FBXL7: variants seen among roughly 807,000 people sequenced by gnomAD.
FBXL7 encodes F-box/LRR-repeat protein 7.
In FBXL7, 12 loss-of-function variants were observed where a neutral mutation model predicts 38.3. The observed-to-expected ratio is 0.31, with a 90% CI of 0.20 to 0.51. The LOEUF (loss-of-function observed/expected upper bound fraction) is 0.51, where lower values mean the gene tolerates loss of function less well. Among genes scored for constraint, FBXL7 ranks in the 20% least tolerant of loss-of-function variants. FBXL7 has a pLI of 0.98. For synonymous variants in FBXL7, 297 were observed against 300.9 expected, an observed-to-expected ratio of 0.99 and a Z score of 0.13; for missense variants, 567 against 676.4, an observed-to-expected ratio of 0.84 and a Z score of 1.79.
chr5:15,677,135 T>C (rs777190571), intron 2 of FBXL7, among the ~76,000 whole-genome samples: 7 of 152,168 alleles, frequency 4.6e-5, no homozygotes, highest in Non-Finnish European at 8.8e-5. Flanking sequence ...GCTGTTCTTT[T>C]TGGGGTAGAG....
intron 2 of FBXL7, among the ~76,000 whole-genome samples, chr5:15,708,366 A>G (rs917645040): frequency 7.9e-5 from 12 of 152,152 alleles, no homozygotes; most frequent in Non-Finnish European, 1.5e-4. Flanking sequence ...CTTTCTGCCT[A>G]TATGTCTTAG....
chr5:15,521,253 C>T (rs918594480), intron 1 of FBXL7, among the ~76,000 whole-genome samples: 7 of 152,204 alleles, frequency 4.6e-5, no homozygotes, highest in African/African-American at 1.2e-4. Flanking sequence ...ACATAACAAA[C>T]ACTGCTTATT....
In FBXL7 at chr5:15,500,536, C is replaced by T. The variant is rs1580339175; in HGVS notation, c.-141C>T. The stretch of plus-strand genomic sequence containing the variant: ...TCCCACTGGAGTGCGGGGACCTCTC[C>T]AGGCCGGAGGTCGGCCCCGGAGCTT... On this transcript the variant is annotated 5_prime_UTR_variant, in exon 1 of 4. Coordinates refer to ENST00000504595, the MANE Select transcript of FBXL7 (RefSeq NM_012304.5). 1 of 1,187,614 alleles carries T rather than the reference C, an allele frequency of 8.4e-7. No individual in the cohort carries two copies. 73.6% of individuals were successfully genotyped at this position (1,187,614 alleles called of 1,614,324 possible).
chr5:15,714,872 G>T (rs1743991540), intron 2 of FBXL7, among the ~76,000 whole-genome samples: 1 of 138,810 alleles, frequency 7.2e-6, no homozygotes, highest in Admixed American at 7.3e-5. Context: ...AAAAAAAAGA[G>T]GCAGGAGTGT....
At chr5:15,932,996 G>A (rs1742081289) in intron 3 of FBXL7, among the ~76,000 whole-genome samples, 1 of 151,946 alleles carries the variant, frequency 6.6e-6, no homozygotes, top group African/African-American at 2.4e-5. Context: ...GGTTGTACAA[G>A]TCATATAATC....
At chr5:15,505,419 A>G (rs906829837) in intron 1 of FBXL7, among the ~76,000 whole-genome samples, 1 of 152,136 alleles carries the variant, frequency 6.6e-6, no homozygotes. Context: ...ACTTAAATAT[A>G]TGTTAACTTT....
intron 1 of FBXL7, among the ~76,000 whole-genome samples, chr5:15,529,454 C>T (rs1050568234): frequency 6.6e-5 from 10 of 151,802 alleles, no homozygotes; most frequent in Admixed American, 3.9e-4. Flanking sequence ...GGCGCGATCT[C>T]GGCTCACTGC....
intron 2 of FBXL7, among the ~76,000 whole-genome samples, chr5:15,868,452 T>C (rs1739812791): frequency 6.6e-6 from 1 of 152,178 alleles, no homozygotes; most frequent in Admixed American, 6.5e-5. Flanking sequence ...GAAACTAAGA[T>C]ACCTTCTCCG....
At chr5:15,823,289 C>A (rs1047640889) in intron 2 of FBXL7, among the ~76,000 whole-genome samples, 7 of 152,186 alleles carry the variant, frequency 4.6e-5, no homozygotes, top group Non-Finnish European at 8.8e-5. Flanking sequence ...TTAGCAAATT[C>A]TTTAATCATT....
At chr5:15,835,922 C>T (rs1205695695) in intron 2 of FBXL7, among the ~76,000 whole-genome samples, 1 of 152,116 alleles carries the variant, frequency 6.6e-6, no homozygotes, top group Non-Finnish European at 1.5e-5. Context: ...CTGCAGGAAG[C>T]TAAAGAACTC....
At position 15,647,986 on chromosome 5, in the gene FBXL7, G is replaced by A. The variant is rs372561017; in HGVS notation, c.127+31914G>A. Among the ~76,000 whole-genome samples the A allele has an allele frequency of 2.2e-4, 33 of 152,346 alleles. No homozygotes were observed. In the East Asian group the frequency reaches 5.4e-3, roughly 25 times the overall value. ...AGTAGGTGCCAGTAGGCACTGGAAT[G>A]CTCCAGGAGAATGCCCGTGTCTAAT... is the stretch of plus-strand genomic sequence containing the variant. On this transcript the variant is annotated intron_variant, in intron 2 of 3. Transcript: ENST00000504595.
intron 2 of FBXL7, among the ~76,000 whole-genome samples, chr5:15,800,508 G>C (rs1737535261): frequency 1.3e-5 from 2 of 152,218 alleles, no homozygotes. Context: ...TTGAGTGGGA[G>C]GAAAATGGTC....
chr5:15,604,075 G>C (rs1220157524), intron 1 of FBXL7, among the ~76,000 whole-genome samples: 1 of 152,148 alleles, frequency 6.6e-6, no homozygotes, highest in African/African-American at 2.4e-5. Flanking sequence ...GGCAGAGGTT[G>C]CAGTAAGCTG....
At chr5:15,726,471 G>T (rs936299669) in intron 2 of FBXL7, among the ~76,000 whole-genome samples, 1 of 152,004 alleles carries the variant, frequency 6.6e-6, no homozygotes, top group Non-Finnish European at 1.5e-5. Flanking sequence ...GCGGCAGGCA[G>T]ATCACGAGAT....
intron 2 of FBXL7, among the ~76,000 whole-genome samples, chr5:15,779,638 A>G (rs1736942831): frequency 6.6e-6 from 1 of 152,148 alleles, no homozygotes; most frequent in South Asian, 2.1e-4. Context: ...GCCGTGGCCC[A>G]TTAAAAAACC....
intron 2 of FBXL7, among the ~76,000 whole-genome samples, chr5:15,815,625 C>T (rs571312741): frequency 3.3e-5 from 5 of 152,260 alleles, no homozygotes; most frequent in Admixed American, 2.0e-4. Flanking sequence ...TAGGACAGGA[C>T]AATTTTGTGA....
intron 2 of FBXL7, among the ~76,000 whole-genome samples, chr5:15,634,971 A>G (rs1741134046): frequency 6.6e-6 from 1 of 152,168 alleles, no homozygotes; most frequent in African/African-American, 2.4e-5. Context: ...TCACATCTGC[A>G]AGTTCCCTTA....
At chr5:15,832,346 C>G (rs1487208898) in intron 2 of FBXL7, among the ~76,000 whole-genome samples, 1 of 152,126 alleles carries the variant, frequency 6.6e-6, no homozygotes, top group African/African-American at 2.4e-5. Flanking sequence ...CTTGTTTTTA[C>G]AAATCCTAGA....
At chr5:15,551,186 T>C (rs978439574) in intron 1 of FBXL7, among the ~76,000 whole-genome samples, 1 of 152,198 alleles carries the variant, frequency 6.6e-6, no homozygotes, top group Non-Finnish European at 1.5e-5. Flanking sequence ...TCACTGCCTG[T>C]GTAGGCCCCT....
Sources: allele counts gnomAD v4.1 joint callset (sites outside exome capture counted in the v4.1 genomes callset), GRCh38; gene constraint gnomAD v4.1.1; transcripts MANE v1.5; gene names NCBI Gene and HGNC (gene_info 2026-07-23, HGNC 2026-07-21).